The following TEX14 variants were observed in gnomAD, a reference collection of about 807,000 sequenced individuals.
TEX14 encodes inactive serine/threonine-protein kinase TEX14.
Under a neutral mutation model 178.6 loss-of-function variants are expected in TEX14, and 168 were observed. That is an observed-to-expected ratio of 0.94 (90% CI 0.83 to 1.07). The LOEUF (loss-of-function observed/expected upper bound fraction) is 1.07. TEX14 is among the 50% of genes least tolerant of loss of function. TEX14 has a pLI of 0.00. For missense variants in TEX14, 1,730 were observed against 1,753.6 expected, an observed-to-expected ratio of 0.99 and a Z score of 0.24; for synonymous variants, 626 against 634.1, an observed-to-expected ratio of 0.99 and a Z score of 0.19.
intron 26 of TEX14, among the ~76,000 whole-genome samples, chr17:58,566,283 C>G (rs561385162): frequency 6.6e-6 from 1 of 152,324 alleles, no homozygotes; most frequent in East Asian, 1.9e-4. Context: ...GTTATTGTTA[C>G]TCCTATTTAG....
At chr17:58,563,687 A>AGC (rs1567989023) in intron 28 of TEX14, among the ~76,000 whole-genome samples, 4 of 87,566 alleles carry the variant, frequency 4.6e-5, no homozygotes, top group African/African-American at 1.9e-4. Flanking sequence ...AGAGAGAGAG[A>AGC]GAGAGAGAGA....
chr17:58,622,092 G>A (rs895241308), intron 4 of TEX14, among the ~76,000 whole-genome samples: 1 of 152,200 alleles, frequency 6.6e-6, no homozygotes, highest in Non-Finnish European at 1.5e-5. Context: ...TGCACACAGA[G>A]GGGCCTGGCA....
At chr17:58,630,618 G>A in intron 2 of TEX14, 64 bp from the exon 3 acceptor site, 6 of 1,107,728 alleles carry the variant, frequency 5.4e-6, no homozygotes, top group Non-Finnish European at 6.8e-6. Context: ...AACTGGGTAG[G>A]GGGTGGGGGA....
At chr17:58,603,886 A>AGTGTGTGTGTGT (rs1267658086) in intron 11 of TEX14, among the ~76,000 whole-genome samples, 1 of 73,362 alleles carries the variant, frequency 1.4e-5, no homozygotes, top group Non-Finnish European at 2.4e-5. Flanking sequence ...ATGTGATTTT[A>AGTGTGTGTGTGT]CTGTGTGTGT....
At chr17:58,633,601 G>A (rs376811732) in intron 2 of TEX14, among the ~76,000 whole-genome samples, 1 of 152,192 alleles carries the variant, frequency 6.6e-6, no homozygotes, top group East Asian at 1.9e-4. Flanking sequence ...AGGCTGGGCA[G>A]ATCACTTGAG....
chr17:58,570,586 A>G, intron 24 of TEX14, 102 bp from the exon 25 acceptor site: 1 of 584,558 alleles, frequency 1.7e-6, no homozygotes, highest in South Asian at 2.9e-5. Flanking sequence ...AGTCAAACTC[A>G]CTCACATGTC....
intron 3 of TEX14, among the ~76,000 whole-genome samples, chr17:58,625,791 A>G (rs1281111703): frequency 6.6e-6 from 1 of 152,132 alleles, no homozygotes; most frequent in African/African-American, 2.4e-5. Context: ...CCCAGGCTGG[A>G]GTGCAGTGGC....
chr17:58,559,162 C>G (rs1418732282), intron 30 of TEX14, among the ~76,000 whole-genome samples: 1 of 151,626 alleles, frequency 6.6e-6, no homozygotes, highest in Non-Finnish European at 1.5e-5. Context: ...AAGAGTGAAA[C>G]TGTCTAAAAA....
At position 58,616,308 on chromosome 17, in the gene TEX14, G is replaced by A. The variant is rs1216849175; in HGVS notation, c.637-3C>T. ...TGTGTCGCCCCAGTAAGATAAAACT[G>A]AAACCAAGGCATAGCCTCAAATTAT... On this transcript the variant is annotated splice_polypyrimidine_tract_variant and splice_region_variant and intron_variant, in intron 6 of 31. Transcript: ENST00000349033. 1 of 1,611,758 alleles carries A rather than the reference G, an allele frequency of 6.2e-7. No homozygotes were observed. Among genetic ancestry groups the A allele is most frequent in the Admixed American group, 1.7e-5 (1 of 59,402 alleles).
chr17:58,613,548 CAAAAG>C lies in TEX14; in HGVS notation c.882-9_882-5del. ...CAAGTAGGGGTGCCGCAGCTTGCTG[CAAAAG>C]AAAAGAAGCTTCAGATAAGGCAGGT... is the stretch of plus-strand genomic sequence containing the variant. On this transcript the variant is annotated splice_polypyrimidine_tract_variant and splice_region_variant and intron_variant, in intron 8 of 31. Transcript: ENST00000349033. The C allele has an allele frequency of 6.2e-7, 1 of 1,612,898 alleles. No individual in the cohort carries two copies. The highest frequency in any genetic ancestry group is 8.5e-7 in the Non-Finnish European group (1 of 1,179,656).
intron 2 of TEX14, among the ~76,000 whole-genome samples, chr17:58,649,339 CA>C (rs2046791014): frequency 1.3e-5 from 2 of 152,116 alleles, no homozygotes; most frequent in African/African-American, 4.8e-5. Context: ...CTCAGCCTCC[CA>C]AAGTGCTGGG....
chr17:58,583,095 C>T (rs566607236), intron 19 of TEX14, among the ~76,000 whole-genome samples: 1 of 151,808 alleles, frequency 6.6e-6, no homozygotes, highest in Non-Finnish European at 1.5e-5. Flanking sequence ...CTCAGCCTCC[C>T]GAATAGCTGA....
intron 29 of TEX14, among the ~76,000 whole-genome samples, chr17:58,560,931 C>T (rs1282891237): frequency 6.6e-6 from 1 of 152,222 alleles, no homozygotes; most frequent in Non-Finnish European, 1.5e-5. Context: ...CCCATGCCTT[C>T]CTCAGGAAGA....
At chr17:58,667,891 TAAA>T (rs1205836185) in intron 1 of TEX14, among the ~76,000 whole-genome samples, 11 of 102,770 alleles carry the variant, frequency 1.1e-4, no homozygotes, top group African/African-American at 7.4e-5. Context: ...AGACTCTGGC[TAAA>T]AAAAAAAAAA....
intron 1 of TEX14, among the ~76,000 whole-genome samples, chr17:58,653,777 G>A (rs1321549471): frequency 2.0e-5 from 3 of 152,206 alleles, no homozygotes; most frequent in African/African-American, 7.2e-5. Context: ...TTTAACCATG[G>A]CTCAGTGCCC....
rs114960131 is a variant in TEX14 at position 58,598,983 on chromosome 17, C to T, written c.2362G>A (p.Val788Met). 1.5e-5 allele frequency: 25 copies of T among 1,614,022 alleles called. No individual in the cohort carries two copies. The highest frequency in any genetic ancestry group is 8.9e-5 in the East Asian group (4 of 44,874). The stretch of plus-strand genomic sequence containing the variant: ...ATATAGTTTAAAGATGGAGGGCCCA[C>T]GGCCAGAGGTAACTTGTAGGCATTT... ...FTNAYKLPLA[V>M]GPPSLNYIPP... The change falls in exon 14 of 32, where the codon GTG becomes ATG. Residue 788 changes from valine to methionine, a missense_variant. Physicochemically the swap from Val to Met is conservative, Grantham distance 21 (BLOSUM62 1). This residue lies in a region of TEX14 where 941 missense variants were observed against 1,072.4 expected (regional missense o/e 0.88). Coordinates refer to ENST00000349033, the MANE Select transcript of TEX14 (RefSeq NM_031272.5).
At position 58,670,672 on chromosome 17, in the gene TEX14, C is replaced by T. The variant is rs565456100; in HGVS notation, c.-1-18670G>A. 2.1e-5 allele frequency among the ~76,000 whole-genome samples: 3 copies of T among 143,682 alleles called. No homozygotes were observed. The East Asian group carries it at 6.5e-4, about 31-fold the overall frequency. The allele number at this position is 143,682 out of a possible 152,430, so 94.3% of individuals were successfully genotyped here. A position where few individuals can be genotyped will look rare whatever the true frequency, so the allele number is the denominator to read the frequency against. On this transcript the variant is annotated intron_variant, in intron 1 of 31. Coordinates refer to ENST00000349033, the MANE Select transcript of TEX14 (RefSeq NM_031272.5). ...CCTGTAATCCCAGCTACTTGAGAGG[C>T]TGAGGCAGGATAATTGCTTGAACCC...
At chr17:58,568,171 C>G (rs1314134409) in intron 26 of TEX14, among the ~76,000 whole-genome samples, 1 of 152,118 alleles carries the variant, frequency 6.6e-6, no homozygotes, top group East Asian at 1.9e-4. Flanking sequence ...GCTCTAAGAG[C>G]CTGACCCAAC....
intron 1 of TEX14, among the ~76,000 whole-genome samples, chr17:58,663,739 A>G (rs982743367): frequency 6.6e-6 from 1 of 152,116 alleles, no homozygotes; most frequent in Non-Finnish European, 1.5e-5. Context: ...AAGTGCTGGG[A>G]TTACAGGCAT....
Sources: gnomAD v4.1 joint callset for allele counts (sites outside exome capture counted in the v4.1 genomes callset) on GRCh38, gnomAD v4.1.1 for gene constraint, gnomAD v4.1.1 regional missense constraint, MANE v1.5 for transcripts, NCBI Gene and HGNC (gene_info 2026-07-23, HGNC 2026-07-21) for gene names.